PLOD1: variants seen among roughly 807,000 people sequenced by gnomAD.
PLOD1 encodes lysine hydroxylase.
Under a neutral mutation model 94.7 loss-of-function variants are expected in PLOD1, and 70 were observed. The ratio of observed to expected loss-of-function variants is 0.74; its 90% CI spans 0.61 to 0.90. The LOEUF (loss-of-function observed/expected upper bound fraction) is 0.90. Ranked by LOEUF, PLOD1 falls within the 40% of genes least tolerant of loss-of-function variation. The pLI is 0.00. For missense variants in PLOD1, 905 were observed against 972.7 expected (o/e 0.93, Z 0.93); for synonymous variants, 417 against 400.2 (o/e 1.04, Z -0.50).
intron 1 of PLOD1, among the ~76,000 whole-genome samples, chr1:11,940,564 G>A (rs948067831): frequency 5.9e-5 from 9 of 152,192 alleles, no homozygotes; most frequent in African/African-American, 1.4e-4. Context: ...ACTGAGGCAC[G>A]GAGAGGCTAA....
chr1:11,958,496 T>C lies in PLOD1; in HGVS notation c.844-20T>C. 6.2e-7 allele frequency: 1 copy of C among 1,612,956 alleles called. No homozygotes were observed. Reference sequence around the variant, plus strand: ...GTGACTGGACACTGCTGGACTCTTGTGCCGCCCTCCCTGGTGCAGGATGAA... The same window carrying C: ...GTGACTGGACACTGCTGGACTCTTGCGCCGCCCTCCCTGGTGCAGGATGAA... On this transcript the variant is annotated intron_variant, in intron 8 of 18. Coordinates refer to ENST00000196061, the MANE Select transcript of PLOD1 (RefSeq NM_000302.4). This position sits in a 1 kb window ranked among gnomAD's most constrained non-coding sequence, Gnocchi z 4.3.
chr1:11,964,960 G>A (rs367654319), intron 13 of PLOD1, among the ~76,000 whole-genome samples, 175 bp downstream of exon 13: 1 of 152,150 alleles, frequency 6.6e-6, no homozygotes, highest in Non-Finnish European at 1.5e-5. Context: ...GGGGGCCGTC[G>A]GGCACGAGGG....
chr1:11,948,401 C>T (rs991958370), intron 2 of PLOD1, among the ~76,000 whole-genome samples: 6 of 152,108 alleles, frequency 3.9e-5, no homozygotes, highest in Admixed American at 2.0e-4. Flanking sequence ...GGGATGGGCA[C>T]GGTCTAGACA....
chr1:11,952,815 C>T (rs1645712847), intron 5 of PLOD1, 80 bp downstream of exon 5: 2 of 999,046 alleles, frequency 2.0e-6, no homozygotes, highest in Non-Finnish European at 3.2e-6. Context: ...CCTCTCAGGC[C>T]TGAACCCCTG....
chr1:11,943,522 C>T (rs895648605), intron 1 of PLOD1, among the ~76,000 whole-genome samples: 1 of 152,134 alleles, frequency 6.6e-6, no homozygotes, highest in Non-Finnish European at 1.5e-5. Context: ...CTCTCAAACT[C>T]CTGACCTCAG....
intron 10 of PLOD1, among the ~76,000 whole-genome samples, chr1:11,961,849 C>T (rs989999781): frequency 4.6e-5 from 7 of 152,070 alleles, no homozygotes; most frequent in Non-Finnish European, 5.9e-5. Flanking sequence ...AGCGCAGTGG[C>T]GCGATCTCGG....
chr1:11,943,983 G>T (rs1028888944), intron 1 of PLOD1, among the ~76,000 whole-genome samples: 1 of 152,152 alleles, frequency 6.6e-6, no homozygotes, highest in African/African-American at 2.4e-5. Context: ...CTGTAATCCA[G>T]CACTTTGGGA....
intron 10 of PLOD1, 116 bp downstream of exon 10, chr1:11,960,883 G>A: frequency 6.8e-7 from 1 of 1,477,608 alleles, no homozygotes; most frequent in Non-Finnish European, 9.2e-7. Flanking sequence ...GCTCTAGCAA[G>A]TTCCTGCCCC....
In PLOD1 at chr1:11,952,630, C is replaced by G. The variant is rs1034857794; in HGVS notation, c.474C>G (p.Ile158Met). The change falls in exon 5 of 19, where the codon ATC (isoleucine) becomes ATG (methionine). Residue 158 changes from isoleucine to methionine, a missense_variant. Coordinates refer to ENST00000196061, the MANE Select transcript of PLOD1 (RefSeq NM_000302.4). Reference protein sequence around the residue: ...GKRFLGSGGFIGYAPNLSKLV... With the variant: ...GKRFLGSGGFMGYAPNLSKLV... ...CCACCCACCAACCTTCAGGCTTCAT[C>G]GGTTATGCCCCCAACCTCAGCAAAC... is the stretch of plus-strand genomic sequence containing the variant. 1 of 1,613,484 alleles carries G rather than the reference C, an allele frequency of 6.2e-7. No homozygotes were observed. The highest frequency in any genetic ancestry group is 8.5e-7 in the Non-Finnish European group (1 of 1,179,440).
intron 1 of PLOD1, among the ~76,000 whole-genome samples, chr1:11,943,889 A>G (rs1645631565): frequency 6.6e-6 from 1 of 152,058 alleles, no homozygotes; most frequent in African/African-American, 2.4e-5. Flanking sequence ...CGCCAGCTGT[A>G]CCCTTGGTTT....
chr1:11,969,020 A>ATTTTT (rs936449431), intron 16 of PLOD1, among the ~76,000 whole-genome samples: 1 of 118,848 alleles, frequency 8.4e-6, no homozygotes, highest in African/African-American at 3.4e-5. Context: ...ACCATGCCTA[A>ATTTTT]TTTTTTTTTT....
At chr1:11,964,323 T>TGGGGGGGGGGGGG in intron 12 of PLOD1, 23 bp downstream of exon 12, 15 of 274,590 alleles carry the variant, frequency 5.5e-5, no homozygotes, top group East Asian at 1.7e-4. Context: ...AGGGTGGGGG[T>TGGGGGGGGGGGGG]GGGTGGGGGA....
chr1:11,944,385 C>G (rs77472308), intron 1 of PLOD1: 4,381 of 412,578 alleles, frequency 0.011, 155 homozygotes, highest in African/African-American at 0.087. Context: ...GTTCAAGAGC[C>G]TGTTCCATCA....
At position 11,967,610 on chromosome 1, in the gene PLOD1, TATATAA is replaced by T. The variant is rs1250048599; in HGVS notation, c.1755+521_1755+526del. Among the ~76,000 whole-genome samples, 246 of 125,942 alleles carry T rather than the reference TATATAA, an allele frequency of 2.0e-3. 19 individuals are homozygous for T. Among genetic ancestry groups the T allele is most frequent in the Non-Finnish European group, 3.0e-3 (181 of 60,696 alleles). The allele number at this position is 125,942 out of a possible 152,430, so 82.6% of individuals were successfully genotyped here. On this transcript the variant is annotated intron_variant, in intron 16 of 18. Coordinates refer to ENST00000196061, the MANE Select transcript of PLOD1 (RefSeq NM_000302.4). Reference sequence around the variant, plus strand: ...GTGTGTGTGTGTGTATATATATATATATATAAAAAGAAATATATATAGATTTTATTT... The same window carrying T: ...GTGTGTGTGTGTGTATATATATATATAAAGAAATATATATAGATTTTATTT...
chr1:11,973,604 G>C (rs1030577369), intron 18 of PLOD1, among the ~76,000 whole-genome samples: 1 of 150,940 alleles, frequency 6.6e-6, no homozygotes, highest in Non-Finnish European at 1.5e-5. Flanking sequence ...TTTCGAGACA[G>C]GGTCTTGCTC....
chr1:11,974,135 T>C (rs1304919170), intron 18 of PLOD1, among the ~76,000 whole-genome samples: 1 of 151,704 alleles, frequency 6.6e-6, no homozygotes, highest in Non-Finnish European at 1.5e-5. Flanking sequence ...TAGTAAAGAG[T>C]GGAGGTGATG....
In PLOD1 at chr1:11,967,658, A is replaced by ATATAT. The variant is rs531664511; in HGVS notation, c.1755+568_1755+569insATATT. ...ATTTTATTTATATATATATATATAT[A>ATATAT]TTTTTTTTAAATAATAGAGACGGGG... is the stretch of plus-strand genomic sequence containing the variant. On this transcript the variant is annotated intron_variant, in intron 16 of 18. Coordinates refer to ENST00000196061, the MANE Select transcript of PLOD1 (RefSeq NM_000302.4). Among the ~76,000 whole-genome samples the ATATAT allele has an allele frequency of 2.0e-3, 223 of 108,930 alleles. 2 individuals are homozygous for ATATAT. Among genetic ancestry groups the ATATAT allele is most frequent in the Admixed American group, 7.2e-3 (77 of 10,668 alleles). The allele number at this position is 108,930 out of a possible 152,430, so 71.5% of individuals were successfully genotyped here.
intron 6 of PLOD1, 33 bp downstream of exon 6, chr1:11,954,926 CAG>C (rs754057450): frequency 6.6e-7 from 1 of 1,523,570 alleles, no homozygotes; most frequent in East Asian, 2.2e-5. Flanking sequence ...GGTGGATCCT[CAG>C]AGGGGTGATA....
rs1645793386 is a variant in PLOD1, at chr1:11,963,532, AGACCTGTGCCGGCAG to A, written c.1103_1117del (p.Leu368_Asp372del). On this transcript the variant is annotated inframe_deletion and splice_region_variant, in exon 11 of 19. Coordinates refer to ENST00000196061, the MANE Select transcript of PLOD1 (RefSeq NM_000302.4). The surrounding 1 kb of genome is among the most constrained non-coding windows in gnomAD (Gnocchi z 4.3). ...TGACCCTGTGTCCTCCTCCTTGCAG[AGACCTGTGCCGGCAG>A]GACCGCAGCTGCACCTACTACTTCA... The A allele has an allele frequency of 6.3e-7, 1 of 1,591,500 alleles. No individual in the cohort carries two copies.
Sources: gnomAD v4.1 joint callset for allele counts (sites outside exome capture counted in the v4.1 genomes callset) on GRCh38, gnomAD v4.1.1 for gene constraint, Gnocchi (gnomAD v3.1) non-coding constraint, MANE v1.5 for transcripts, NCBI Gene and HGNC (gene_info 2026-07-23, HGNC 2026-07-21) for gene names.